The following FCSK variants were observed in gnomAD, a reference collection of about 807,000 sequenced individuals.
FCSK encodes the protein fucose kinase, also known as L-fucose kinase.
A neutral mutation model predicts 122.5 loss-of-function variants in FCSK; 123 were observed. That is an observed-to-expected ratio of 1.00 (90% CI 0.87 to 1.17). The LOEUF is 1.17. FCSK is among the 50% of genes most tolerant of loss of function. FCSK has a pLI of 0.00. For synonymous variants in FCSK, 620 were observed against 625.5 expected (o/e 0.99, Z 0.13); for missense variants, 1,366 against 1,450.4 (o/e 0.94, Z 0.95).
In FCSK at chr16:70,465,045, GTC is replaced by G. The variant is rs749715010; in HGVS notation, c.235-73_235-72del. 2.5e-6 allele frequency: 4 copies of G among 1,583,620 alleles called. No homozygotes were observed. The South Asian group carries it at 3.4e-5, about 14-fold the overall frequency. On this transcript the variant is annotated intron_variant, in intron 3 of 23. Transcript: ENST00000288078. ...GGTACCTGAGTGGATTTGTGTTGGA[GTC>G]TCTCTCTGGATTCGAGGGTGCCATC...
chr16:70,467,766 C>T, intron 7 of FCSK, 120 bp from the exon 8 acceptor site: 6 of 822,100 alleles, frequency 7.3e-6, no homozygotes, highest in Middle Eastern at 2.2e-4. Context: ...ATGCCAGCAA[C>T]TGCCAGCCTT....
rs759026993 is a variant in FCSK at position 70,478,620 on chromosome 16, A to G, written c.2899A>G (p.Thr967Ala). 2.5e-6 allele frequency: 4 copies of G among 1,613,720 alleles called. No individual in the cohort carries two copies. The South Asian group carries it at 4.4e-5, about 18-fold the overall frequency. The change falls in exon 22 of 24, where the codon ACT (threonine) becomes GCT (alanine). Residue 967 changes from threonine to alanine, a missense_variant. Thr to Ala is a moderately conservative substitution (Grantham distance 58, BLOSUM62 0). Transcript: ENST00000288078. ...VQNAHSLVRQ[T>A]EECAEGFRQG... ...GAATGCCCACAGCCTGGTACGGCAA[A>G]CTGAGGAGTGTGCTGAAGGCTTCCG...
intron 2 of FCSK, 105 bp from the exon 3 acceptor site, chr16:70,463,518 C>G: frequency 2.1e-6 from 3 of 1,454,908 alleles, no homozygotes; most frequent in Non-Finnish European, 2.8e-6. Context: ...ACATGGAAAG[C>G]TAAGTCAAGG....
chr16:70,466,302 C>A, intron 5 of FCSK, 45 bp downstream of exon 5: 1 of 1,607,634 alleles, frequency 6.2e-7, no homozygotes, highest in Non-Finnish European at 8.5e-7. Flanking sequence ...CAGATAGAGC[C>A]ACTTCCCTCC....
chr16:70,465,960 G>T (rs1010836343), intron 4 of FCSK, among the ~76,000 whole-genome samples, 172 bp from the exon 5 acceptor site: 2 of 151,990 alleles, frequency 1.3e-5, no homozygotes, highest in Non-Finnish European at 2.9e-5. Flanking sequence ...CTAAAAAATT[G>T]CAGTGCAATG....
At position 70,469,230 on chromosome 16, in the gene FCSK, G is replaced by T. The variant is rs2048530530; in HGVS notation, c.862G>T (p.Glu288Ter). ...GGACTTCCTGGTGGGGAGGCCCCCA[G>T]AGTTGGGGCAAGGCGATGCAGATGT... The part of the protein sequence containing the change: ...REDFLVGRPP[E>*]LGQGDADVAG... The change falls in exon 10 of 24, where the codon GAG (glutamate) becomes TAG (stop). Residue 288 changes from glutamate to a stop codon, truncating the protein, a stop_gained. Coordinates refer to ENST00000288078, the MANE Select transcript of FCSK (RefSeq NM_145059.3). LOFTEE classifies it high-confidence loss of function. 6.2e-7 allele frequency: 1 copy of T among 1,614,070 alleles called. No homozygotes were observed. Among genetic ancestry groups the T allele is most frequent in the Non-Finnish European group, 8.5e-7 (1 of 1,180,006 alleles).
Position 70,467,454 on chromosome 16 carries a change from T to C in FCSK, c.565T>C (p.Tyr189His). ...SPAYAQNHGV[Y>H]LTDPQGLVLD... ...GGCCTACGCTCAGAATCATGGCGTC[T>C]ACCTAACTGACCCCCAGGTAGTGCC... The change falls in exon 7 of 24, where the codon TAC (tyrosine) becomes CAC (histidine). Residue 189 changes from tyrosine (Y) to histidine (H), a missense_variant. Tyr to His is a moderately conservative substitution (Grantham distance 83). Transcript: ENST00000288078. 1 of 1,604,862 alleles carries C rather than the reference T, an allele frequency of 6.2e-7. No homozygotes were observed. The highest frequency in any genetic ancestry group is 8.5e-7 in the Non-Finnish European group (1 of 1,176,242).
intron 1 of FCSK, among the ~76,000 whole-genome samples, chr16:70,460,266 C>T (rs966688347): frequency 1.3e-5 from 2 of 151,898 alleles, no homozygotes; most frequent in African/African-American, 4.8e-5. Context: ...CACCCGCCAC[C>T]ACGCCCAGCT....
chr16:70,466,293 A>G (rs1278366402), intron 5 of FCSK, 36 bp downstream of exon 5: 1 of 1,610,606 alleles, frequency 6.2e-7, no homozygotes, highest in Non-Finnish European at 8.5e-7. Flanking sequence ...GCCTCGTCCC[A>G]GATAGAGCCA....
At chr16:70,454,655 GC>G (rs2048028740) in intron 1 of FCSK, 25 bp downstream of exon 1, 1 of 140,084 alleles carries the variant, frequency 7.1e-6, no homozygotes, top group Non-Finnish European at 1.5e-5. Flanking sequence ...GAGGGTCGCC[GC>G]AGCGCCCCTT....
chr16:70,478,919 TCTGAG>T (rs1191811246), intron 22 of FCSK: 1 of 695,704 alleles, frequency 1.4e-6, no homozygotes, highest in Non-Finnish European at 2.6e-6. Context: ...TCCAAGGAAG[TCTGAG>T]CTGGGCAGGG....
chr16:70,462,730 C>T (rs1357483104), intron 1 of FCSK, among the ~76,000 whole-genome samples: 1 of 152,078 alleles, frequency 6.6e-6, no homozygotes, highest in Non-Finnish European at 1.5e-5. Context: ...CTGCAGCCTC[C>T]GCCTCCTGGG....
rs1275605822 is a variant in FCSK at position 70,455,811 on chromosome 16, T to G, written c.-23+1181T>G. Reference sequence around the variant, plus strand: ...GGAGGCTGAGGCAGGAGAATCACTTTAACCTGGGAGGCGGAGATTGCAGTG... The same window carrying G: ...GGAGGCTGAGGCAGGAGAATCACTTGAACCTGGGAGGCGGAGATTGCAGTG... On this transcript the variant is annotated intron_variant, in intron 1 of 23. Coordinates refer to ENST00000288078, the MANE Select transcript of FCSK (RefSeq NM_145059.3). Among the ~76,000 whole-genome samples the G allele has an allele frequency of 8.7e-5, 13 of 150,088 alleles. No homozygotes were observed. The Middle Eastern group carries it at 0.01, about 121-fold the overall frequency.
In FCSK at chr16:70,474,982, T is replaced by C. The variant is rs199671104; in HGVS notation, c.2348T>C (p.Leu783Pro). The C allele has an allele frequency of 1.9e-4, 307 of 1,608,038 alleles. No individual in the cohort carries two copies. Among genetic ancestry groups the C allele is most frequent in the Non-Finnish European group, 2.4e-4 (282 of 1,178,070 alleles). ...ATAGTGTGCCGGTGCCTGGCTGACC[T>C]GCGGGACTACTGCCAGCCTCATGCC... ...VKIVCRCLAD[L>P]RDYCQPHAPG... Residue 783 changes from leucine to proline, a missense_variant, in exon 18 of 24, where the codon CTG (leucine) becomes CCG (proline). Physicochemically the swap from Leu to Pro is moderately conservative, Grantham distance 98. Coordinates refer to ENST00000288078, the MANE Select transcript of FCSK (RefSeq NM_145059.3).
intron 3 of FCSK, among the ~76,000 whole-genome samples, chr16:70,464,132 C>A (rs1235981724): frequency 6.6e-6 from 1 of 152,214 alleles, no homozygotes; most frequent in Non-Finnish European, 1.5e-5. Flanking sequence ...TGTGAGTCAG[C>A]ATCCCTGCTG....
chr16:70,471,812 GTT>G (rs1230034123), intron 13 of FCSK, among the ~76,000 whole-genome samples: 8 of 128,628 alleles, frequency 6.2e-5, no homozygotes, highest in Admixed American at 7.7e-5. Flanking sequence ...TGGGGTTGTT[GTT>G]TTTTTTTTTT....
rs150630209 is a variant in FCSK, at chr16:70,465,923, A to G, written c.286-209A>G. On this transcript the variant is annotated intron_variant, in intron 4 of 23. Coordinates refer to ENST00000288078, the MANE Select transcript of FCSK (RefSeq NM_145059.3). The stretch of plus-strand genomic sequence containing the variant: ...AGCCAAGATCGCACTACTGCACTAC[A>G]GCCTGGGCAACAGAGCAAGACTTAG... Among the ~76,000 whole-genome samples the G allele has an allele frequency of 3.9e-4, 59 of 152,366 alleles. No individual in the cohort carries two copies. The East Asian group carries it at 0.011, about 29-fold the overall frequency.
chr16:70,466,276 C>T lies in FCSK; in HGVS notation c.411+19C>T, dbSNP rs1256683401. On this transcript the variant is annotated intron_variant, in intron 5 of 23. Coordinates refer to ENST00000288078, the MANE Select transcript of FCSK (RefSeq NM_145059.3). ...CTATCGGGTGAGGCTGGGTGGTGGC[C>T]CGTGGTGCCTCGTCCCAGATAGAGC... The T allele has an allele frequency of 6.2e-7, 1 of 1,613,538 alleles. No homozygotes were observed. Among genetic ancestry groups the T allele is most frequent in the Admixed American group, 1.7e-5 (1 of 59,982 alleles).
At chr16:70,464,687 G>A (rs1016794038) in intron 3 of FCSK, among the ~76,000 whole-genome samples, 1 of 143,106 alleles carries the variant, frequency 7.0e-6, no homozygotes, top group East Asian at 2.0e-4. Flanking sequence ...GCAACAGAGC[G>A]AGACTGCATC....
Sources: gnomAD v4.1 joint callset for allele counts (sites outside exome capture counted in the v4.1 genomes callset) on GRCh38, gnomAD v4.1.1 for gene constraint, MANE v1.5 for transcripts, NCBI Gene and HGNC (gene_info 2026-07-23, HGNC 2026-07-21) for gene names.